Variants in FNIP2 observed in about 807,000 individuals in gnomAD.
The protein encoded by FNIP2 is folliculin-interacting protein 2.
Under a neutral mutation model 108.7 loss-of-function variants are expected in FNIP2, and 32 were observed. The ratio of observed to expected loss-of-function variants is 0.29; its 90% CI spans 0.22 to 0.40. FNIP2 has a LOEUF of 0.40. FNIP2 is among the 10% of genes least tolerant of loss of function. FNIP2 has a pLI of 1.00. For synonymous variants in FNIP2, 480 were observed against 496.7 expected (o/e 0.97, Z 0.45); for missense variants, 1,202 against 1,381.6 (o/e 0.87, Z 2.06).
At position 158,906,148 on chromosome 4, in the gene FNIP2, T is replaced by G. The variant is rs1394496405; in HGVS notation, c.*1604T>G. 6.6e-6 allele frequency: 1 copy of G among 152,248 alleles called. No individual in the cohort carries two copies. Among genetic ancestry groups the G allele is most frequent in the Non-Finnish European group, 1.5e-5 (1 of 68,050 alleles). 9.4% of individuals were successfully genotyped at this position (152,248 alleles called of 1,614,324 possible). A position where few individuals can be genotyped will look rare whatever the true frequency, so the allele number is the denominator to read the frequency against. On this transcript the variant is annotated 3_prime_UTR_variant, in exon 17 of 17. Transcript: ENST00000264433. ...TTCTTTTTAATGTTTTCCTATTTCC[T>G]TTTGCCTAGCATTTGACTTTGGTGT... is the stretch of plus-strand genomic sequence containing the variant.
chr4:158,896,141 T>G (rs558050940), intron 16 of FNIP2, among the ~76,000 whole-genome samples: 85 of 152,136 alleles, frequency 5.6e-4, no homozygotes, highest in Non-Finnish European at 1.2e-3. Flanking sequence ...AAAAGAAAAT[T>G]TAATCCCACA....
At chr4:158,816,700 G>A (rs1434478726) in intron 1 of FNIP2, among the ~76,000 whole-genome samples, 6 of 151,166 alleles carry the variant, frequency 4.0e-5, no homozygotes, top group South Asian at 2.1e-4. Context: ...CAGGAGAATC[G>A]CATGAACCCA....
At chr4:158,877,147 C>T (rs934592998) in intron 14 of FNIP2, among the ~76,000 whole-genome samples, 1 of 152,228 alleles carries the variant, frequency 6.6e-6, no homozygotes, top group African/African-American at 2.4e-5. Flanking sequence ...CTCTTCTCAA[C>T]TTCCGACTGA....
intron 16 of FNIP2, among the ~76,000 whole-genome samples, chr4:158,896,907 A>C (rs1203441940): frequency 2.6e-5 from 4 of 151,350 alleles, no homozygotes; most frequent in Non-Finnish European, 5.9e-5. Context: ...CAGGTCTGTT[A>C]CATAGGTATA....
chr4:158,789,817 G>A (rs1776345315), intron 1 of FNIP2, among the ~76,000 whole-genome samples: 1 of 38,978 alleles, frequency 2.6e-5, no homozygotes, highest in African/African-American at 5.8e-5. Flanking sequence ...AACTCCAAGG[G>A]TTGTGGTAGC....
Position 158,905,186 on chromosome 4 carries a change from T to C in FNIP2, c.*642T>C, listed in dbSNP as rs1729721849. On this transcript the variant is annotated 3_prime_UTR_variant, in exon 17 of 17. Coordinates refer to ENST00000264433, the MANE Select transcript of FNIP2 (RefSeq NM_020840.3). ...ACTGTTTTCATTTCTTCTTGGAGTT[T>C]ACCTTGTTTCAGATGCAGCCATGGG... The C allele has an allele frequency of 6.6e-6, 1 of 152,494 alleles. No homozygotes were observed. The highest frequency in any genetic ancestry group is 2.4e-5 in the African/African-American group (1 of 41,460). The allele number at this position is 152,494 out of a possible 1,614,324, so 9.4% of individuals were successfully genotyped here.
At chr4:158,892,375 TC>T (rs1782335379) in intron 15 of FNIP2, among the ~76,000 whole-genome samples, 1 of 152,106 alleles carries the variant, frequency 6.6e-6, no homozygotes, top group Non-Finnish European at 1.5e-5. Context: ...GCTCAAGCAA[TC>T]CGCTTCTTTC....
intron 1 of FNIP2, among the ~76,000 whole-genome samples, chr4:158,771,246 A>G (rs1775688728): frequency 1.3e-5 from 2 of 152,212 alleles, no homozygotes; most frequent in African/African-American, 4.8e-5. Flanking sequence ...AGAGGTCACC[A>G]TGGAAAAGAA....
At chr4:158,786,948 T>G (rs936425262) in intron 1 of FNIP2, among the ~76,000 whole-genome samples, 29 of 152,164 alleles carry the variant, frequency 1.9e-4, no homozygotes, top group Non-Finnish European at 7.4e-5. Context: ...GAGATTATCT[T>G]CAGAGTCTGT....
chr4:158,866,479 A>G (rs532766491), intron 12 of FNIP2, among the ~76,000 whole-genome samples: 1 of 151,312 alleles, frequency 6.6e-6, no homozygotes, highest in South Asian at 2.1e-4. Context: ...CGGCCTCCCA[A>G]AGTGCTGGAA....
rs568209548 is a variant in FNIP2, at chr4:158,868,960, A to G, written c.2324A>G (p.Asn775Ser). 2 of 1,613,884 alleles carry G rather than the reference A, an allele frequency of 1.2e-6. No homozygotes were observed. The highest frequency in any genetic ancestry group is 2.2e-5 in the East Asian group (1 of 44,878). Residue 775 changes from asparagine (N) to serine (S), a missense_variant, in exon 13 of 17, where the codon AAT (asparagine) becomes AGT (serine). By Grantham distance (46) the Asn-to-Ser change is conservative. Around this residue, in one of 5 missense-constraint regions of FNIP2, gnomAD observed 878 missense variants for 990.3 expected, o/e 0.89. Transcript: ENST00000264433. The surrounding 1 kb of genome is among the most constrained non-coding windows in gnomAD (Gnocchi z 4.6). ...RSPFKPGFQE[N>S]VCCPQNRLSE... ...CCTTTTAAACCTGGCTTTCAGGAGAATGTTTGCTGTCCTCAGAATCGGCTT... is the reference window on the plus strand; with the variant it reads ...CCTTTTAAACCTGGCTTTCAGGAGAGTGTTTGCTGTCCTCAGAATCGGCTT...
intron 1 of FNIP2, among the ~76,000 whole-genome samples, chr4:158,821,810 T>A (rs1578864768): frequency 1.3e-5 from 2 of 152,198 alleles, no homozygotes; most frequent in East Asian, 3.8e-4. Context: ...TTTTTTCCTC[T>A]ACTAATACTA....
At chr4:158,790,767 A>C (rs564052303) in intron 1 of FNIP2, among the ~76,000 whole-genome samples, 1 of 152,242 alleles carries the variant, frequency 6.6e-6, no homozygotes, top group Admixed American at 6.5e-5. Context: ...TGTAAAATAA[A>C]ATAAAATAAT....
chr4:158,889,379 A>G (rs1782175390), intron 14 of FNIP2, among the ~76,000 whole-genome samples: 1 of 152,172 alleles, frequency 6.6e-6, no homozygotes, highest in African/African-American at 2.4e-5. Context: ...TCACCTTCCT[A>G]GTATGCCTCT....
chr4:158,896,768 CTCTT>C (rs1782715321), intron 16 of FNIP2, among the ~76,000 whole-genome samples: 1 of 149,506 alleles, frequency 6.7e-6, no homozygotes, highest in Non-Finnish European at 1.5e-5. Context: ...TGCAACATGT[CTCTT>C]TGTCGTTTTT....
At chr4:158,775,227 G>A (rs528665728) in intron 1 of FNIP2, among the ~76,000 whole-genome samples, 1 of 152,274 alleles carries the variant, frequency 6.6e-6, no homozygotes, top group Admixed American at 6.5e-5. Context: ...CTTGGTGTGG[G>A]TGAAAAGGAA....
chr4:158,830,416 C>T (rs981259235), intron 3 of FNIP2, among the ~76,000 whole-genome samples: 2 of 151,684 alleles, frequency 1.3e-5, no homozygotes, highest in East Asian at 3.9e-4. Context: ...GCGCCCGCCA[C>T]CGCGCCCGGC....
At position 158,890,136 on chromosome 4, in the gene FNIP2, A is replaced by G. The variant is rs1052850523; in HGVS notation, c.2950-1310A>G. ...TATGAATTCAAAAATATACTTTATC[A>G]AATTCTTTATCTCTCATGTTTAAAA... On this transcript the variant is annotated intron_variant, in intron 14 of 16. Transcript: ENST00000264433. 37 of 985,012 alleles carry G rather than the reference A, an allele frequency of 3.8e-5. No homozygotes were observed. The African/African-American group carries it at 6.3e-4, about 17-fold the overall frequency. 61.0% of individuals were successfully genotyped at this position (985,012 alleles called of 1,614,324 possible).
chr4:158,844,939 A>G (rs773255740), intron 7 of FNIP2, among the ~76,000 whole-genome samples: 5 of 152,244 alleles, frequency 3.3e-5, no homozygotes, highest in Non-Finnish European at 4.4e-5. Context: ...GCAGGTATAA[A>G]TGGATGCTAG....
Sources: gnomAD v4.1 joint callset for allele counts (sites outside exome capture counted in the v4.1 genomes callset) on GRCh38, gnomAD v4.1.1 for gene constraint, gnomAD v4.1.1 regional missense constraint, Gnocchi (gnomAD v3.1) non-coding constraint, MANE v1.5 for transcripts, NCBI Gene and HGNC (gene_info 2026-07-23, HGNC 2026-07-21) for gene names.